Variants in PTPRN2 observed in about 807,000 individuals in gnomAD.
PTPRN2 encodes receptor-type tyrosine-protein phosphatase N2.
PTPRN2 carries 74 observed loss-of-function variants against 118.8 expected under a neutral mutation model. The observed-to-expected ratio is 0.62, with a 90% confidence interval of 0.52 to 0.76. The LOEUF is 0.76. PTPRN2 is among the 30% of genes least tolerant of loss of function. The pLI, the probability that PTPRN2 is intolerant of heterozygous loss-of-function variation, is 0.00. For missense variants in PTPRN2, 1,481 were observed against 1,394.4 expected (o/e 1.06, Z -0.99); for synonymous variants, 641 against 608.0 (o/e 1.05, Z -0.80).
At chr7:158,301,470 C>G (rs1011696058) in intron 3 of PTPRN2, among the ~76,000 whole-genome samples, 2 of 152,234 alleles carry the variant, frequency 1.3e-5, no homozygotes, top group Admixed American at 6.5e-5. Context: ...AGGTGCTTAG[C>G]AGAATGCTCT....
At chr7:158,404,645 C>T (rs73516692) in intron 2 of PTPRN2, among the ~76,000 whole-genome samples, 364 of 151,444 alleles carry the variant, frequency 2.4e-3, no homozygotes, top group African/African-American at 8.4e-3. Context: ...TCCTCGGCCT[C>T]CAGCTCCCCA....
rs957330329 is a variant in PTPRN2, at chr7:157,560,210, G to T, written c.2902+8692C>A. Among the ~76,000 whole-genome samples, 1 of 152,120 alleles carries T rather than the reference G, an allele frequency of 6.6e-6. No homozygotes were observed. The highest frequency in any genetic ancestry group is 2.4e-5 in the African/African-American group (1 of 41,428). On this transcript the variant is annotated intron_variant, in intron 21 of 22. Coordinates refer to ENST00000389418, the MANE Select transcript of PTPRN2 (RefSeq NM_002847.5). The surrounding 1 kb of genome is among the most constrained non-coding windows in gnomAD (Gnocchi z 6.7). ...GGCTATGTGAACCCTGGCTCAGCAG[G>T]GTCAGCCTGACCCCTTGAAGGTGGG...
chr7:157,830,315 C>A lies in PTPRN2; in HGVS notation c.1788+68358G>T, dbSNP rs571821235. Among the ~76,000 whole-genome samples the A allele has an allele frequency of 1.6e-4, 24 of 152,354 alleles. 1 individual carries two copies. In the South Asian group the frequency reaches 5.0e-3, roughly 32 times the overall value. On this transcript the variant is annotated intron_variant, in intron 12 of 22. Coordinates refer to ENST00000389418, the MANE Select transcript of PTPRN2 (RefSeq NM_002847.5). ...GCACATGGTAAAAGGCTGCTGGTAA[C>A]AAGATACCCCTAAGTTCTCAAGGTA...
At chr7:158,063,704 C>G (rs1292620593) in intron 11 of PTPRN2, among the ~76,000 whole-genome samples, 1 of 152,156 alleles carries the variant, frequency 6.6e-6, no homozygotes, top group African/African-American at 2.4e-5. Flanking sequence ...CTGAATACAT[C>G]CAAACATTAG....
intron 2 of PTPRN2, among the ~76,000 whole-genome samples, chr7:158,320,462 G>A (rs1307388124): frequency 5.3e-5 from 8 of 151,682 alleles, no homozygotes; most frequent in East Asian, 3.9e-4. Flanking sequence ...CGGTGGCCGT[G>A]CCATTTTTCA....
intron 3 of PTPRN2, among the ~76,000 whole-genome samples, chr7:158,227,515 C>T (rs188855835): frequency 1.0e-3 from 155 of 152,198 alleles, no homozygotes; most frequent in Admixed American, 3.9e-3. Flanking sequence ...GACGGGAAGA[C>T]CCCAGGTGGC....
intron 21 of PTPRN2, among the ~76,000 whole-genome samples, chr7:157,556,967 A>G (rs1443600754): frequency 6.6e-6 from 1 of 151,670 alleles, no homozygotes; most frequent in East Asian, 1.9e-4. Context: ...TGTCATATGC[A>G]CACACATGCA....
intron 11 of PTPRN2, among the ~76,000 whole-genome samples, chr7:158,065,534 C>T (rs1049938247): frequency 1.3e-5 from 2 of 152,182 alleles, no homozygotes; most frequent in Non-Finnish European, 2.9e-5. Context: ...TAACGGGCTG[C>T]GGCCAGAAAG....
Position 157,548,955 on chromosome 7 carries a change from G to A in PTPRN2, c.2967C>T (p.Val989=). Reference sequence around the variant, plus strand: ...GAGAGACTGACAGTACCTTCGTCTGGACCATGCCGGGTCTCTGGTCCCTCA... The same window carrying A: ...GAGAGACTGACAGTACCTTCGTCTGAACCATGCCGGGTCTCTGGTCCCTCA... ...EHLRDQRPGM[V]QTKEQFEFAL... Residue 989 remains valine, a synonymous_variant, in exon 22 of 23, where the codon GTC becomes GTT. Transcript: ENST00000389418. 1 of 1,614,142 alleles carries A rather than the reference G, an allele frequency of 6.2e-7. No individual in the cohort carries two copies. The highest frequency in any genetic ancestry group is 8.5e-7 in the Non-Finnish European group (1 of 1,179,976).
intron 2 of PTPRN2, among the ~76,000 whole-genome samples, chr7:158,444,934 C>T (rs1223667370): frequency 6.6e-6 from 1 of 152,090 alleles, no homozygotes; most frequent in Non-Finnish European, 1.5e-5. Flanking sequence ...CTCTTGAAAA[C>T]GCGGCCGCAC....
chr7:158,218,005 A>G (rs978906609), intron 3 of PTPRN2, among the ~76,000 whole-genome samples: 1 of 152,204 alleles, frequency 6.6e-6, no homozygotes, highest in Non-Finnish European at 1.5e-5. Context: ...AGAGTAAGCA[A>G]CTTGGAAAAC....
intron 12 of PTPRN2, among the ~76,000 whole-genome samples, chr7:157,894,898 T>C (rs1195085533): frequency 2.0e-5 from 3 of 152,170 alleles, no homozygotes; most frequent in Non-Finnish European, 4.4e-5. Flanking sequence ...AGGTGGGCAA[T>C]TGACAGGAAA....
rs143180260 is a variant in PTPRN2 at position 158,379,800 on chromosome 7, C to T, written c.164-62868G>A. Among the ~76,000 whole-genome samples, 501 of 152,282 alleles carry T rather than the reference C, an allele frequency of 3.3e-3. 5 individuals carry two copies. Among genetic ancestry groups the T allele is most frequent in the African/African-American group, 0.012 (479 of 41,552 alleles). ...TTTCATGCTGCTAATAAAGACATAC[C>T]TGAGACTGGGTAATTTATGCAGGAA... On this transcript the variant is annotated intron_variant, in intron 2 of 22. Coordinates refer to ENST00000389418, the MANE Select transcript of PTPRN2 (RefSeq NM_002847.5).
rs867899615 is a variant in PTPRN2, at chr7:157,994,677, C to T, written c.1723+86621G>A. On this transcript the variant is annotated intron_variant, in intron 11 of 22. Transcript: ENST00000389418. ...TACAGCTCCTTGTTCCTAAAATCAA[C>T]GCCGCGTCCCCAGCTTACAGCTCCT... is the stretch of plus-strand genomic sequence containing the variant. 3.2e-3 allele frequency among the ~76,000 whole-genome samples: 374 copies of T among 118,718 alleles called. 1 individual carries two copies. The highest frequency in any genetic ancestry group is 0.022 in the Middle Eastern group (4 of 182). The allele number at this position is 118,718 out of a possible 152,430, so 77.9% of individuals were successfully genotyped here. A position where few individuals can be genotyped will look rare whatever the true frequency, so the allele number is the denominator to read the frequency against.
In PTPRN2 at chr7:157,876,846, C is replaced by T. The variant is rs534581616; in HGVS notation, c.1788+21827G>A. On this transcript the variant is annotated intron_variant, in intron 12 of 22. Transcript: ENST00000389418. Reference sequence around the variant, plus strand: ...GGACAGTGCCAGCACGGGGGCATGCCGGGGGAGCCTCTGGGAGCCGCAGGA... The same window carrying T: ...GGACAGTGCCAGCACGGGGGCATGCTGGGGGAGCCTCTGGGAGCCGCAGGA... Among the ~76,000 whole-genome samples, 78 of 152,300 alleles carry T rather than the reference C, an allele frequency of 5.1e-4. 2 individuals carry two copies. In the South Asian group the frequency reaches 0.014, roughly 27 times the overall value.
chr7:158,135,585 G>A (rs542882298), intron 8 of PTPRN2, among the ~76,000 whole-genome samples: 1 of 152,256 alleles, frequency 6.6e-6, no homozygotes, highest in Admixed American at 6.5e-5. Context: ...AAAAGCCTGT[G>A]GTCTAAAAGT....
rs1802627103 is a variant in PTPRN2, at chr7:157,974,919, G to A, written c.1724-76182C>T. On this transcript the variant is annotated intron_variant, in intron 11 of 22. Coordinates refer to ENST00000389418, the MANE Select transcript of PTPRN2 (RefSeq NM_002847.5). This position sits in a 1 kb window ranked among gnomAD's most constrained non-coding sequence, Gnocchi z 4.0. ...TTCACCATCATGGCGCACATGTCTG[G>A]GAGTGAGCAGAGGACCAGGGTATGG... Among the ~76,000 whole-genome samples the A allele has an allele frequency of 6.6e-6, 1 of 152,076 alleles. No individual in the cohort carries two copies. The highest frequency in any genetic ancestry group is 2.1e-4 in the South Asian group (1 of 4,828).
At chr7:157,916,649 T>C (rs1798414124) in intron 11 of PTPRN2, among the ~76,000 whole-genome samples, 1 of 152,236 alleles carries the variant, frequency 6.6e-6, no homozygotes, top group Admixed American at 6.5e-5. Flanking sequence ...CAAGCACTGC[T>C]TCTGATGTCA....
intron 1 of PTPRN2, among the ~76,000 whole-genome samples, chr7:158,523,664 C>CGTCTGCCCTGGAGCGGA (rs1824463101): frequency 1.1e-5 from 1 of 87,932 alleles, no homozygotes; most frequent in East Asian, 6.3e-4. Context: ...GGAGTGGAGT[C>CGTCTGCCCTGGAGCGGA]GTCTGCCCTG....
Sources: allele counts gnomAD v4.1 joint callset (sites outside exome capture counted in the v4.1 genomes callset), GRCh38; gene constraint gnomAD v4.1.1; non-coding constraint Gnocchi (gnomAD v3.1); transcripts MANE v1.5; gene names NCBI Gene and HGNC (gene_info 2026-07-23, HGNC 2026-07-21).